Variants in MTUS2 observed in about 807,000 individuals in gnomAD.
MTUS2 encodes the protein microtubule associated scaffold protein 2.
MTUS2 carries 40 observed loss-of-function variants against 114.1 expected under a neutral mutation model. That is an observed-to-expected ratio of 0.35 (90% CI 0.27 to 0.46). MTUS2 has a LOEUF of 0.46. Ranked by LOEUF, MTUS2 falls within the 20% of genes least tolerant of loss-of-function variation. The probability of loss-of-function intolerance (pLI) is 1.00; values close to 1 mark genes in which losing one functional copy is unlikely to be tolerated. For synonymous variants in MTUS2, 688 were observed against 672.0 expected (o/e 1.02, Z -0.37); for missense variants, 1,679 against 1,705.4 (o/e 0.98, Z 0.27).
At chr13:29,101,883 C>T (rs1890433613) in intron 5 of MTUS2, among the ~76,000 whole-genome samples, 1 of 152,130 alleles carries the variant, frequency 6.6e-6, no homozygotes, top group African/African-American at 2.4e-5. Context: ...TCTGTTCTTT[C>T]TTGTGTTTAC....
chr13:29,333,362 TAA>T (rs909115646), intron 7 of MTUS2, among the ~76,000 whole-genome samples: 1 of 152,076 alleles, frequency 6.6e-6, no homozygotes, highest in African/African-American at 2.4e-5. Flanking sequence ...CATGCCCGGT[TAA>T]TTTTGTATTT....
At chr13:29,332,605 G>T (rs935857218) in intron 7 of MTUS2, among the ~76,000 whole-genome samples, 2 of 146,124 alleles carry the variant, frequency 1.4e-5, no homozygotes, top group African/African-American at 5.0e-5. Context: ...GCTAGCTTTT[G>T]AATTTGTTTG....
intron 4 of MTUS2, among the ~76,000 whole-genome samples, chr13:29,079,836 C>T (rs1404911109): frequency 6.6e-6 from 1 of 152,114 alleles, no homozygotes; most frequent in Non-Finnish European, 1.5e-5. Context: ...ATGAGCCCTC[C>T]AACTTTGTTC....
At chr13:29,501,284 G>A (rs1259937314) in intron 15 of MTUS2, 90 bp downstream of exon 15, 1 of 952,922 alleles carries the variant, frequency 1.0e-6, no homozygotes. Context: ...TGGCCTGTGA[G>A]TCTTTCCCCA....
intron 2 of MTUS2, among the ~76,000 whole-genome samples, chr13:28,885,252 T>C (rs1427660718): frequency 6.6e-6 from 1 of 152,194 alleles, no homozygotes; most frequent in African/African-American, 2.4e-5. Flanking sequence ...CAGACATATG[T>C]GTTCAACTAG....
At chr13:29,210,070 G>A (rs1895360716) in intron 5 of MTUS2, among the ~76,000 whole-genome samples, 1 of 152,022 alleles carries the variant, frequency 6.6e-6, no homozygotes, top group Non-Finnish European at 1.5e-5. Context: ...TTATTCTTAG[G>A]TTTGGTCATT....
intron 4 of MTUS2, among the ~76,000 whole-genome samples, chr13:29,056,969 G>A (rs1888163236): frequency 6.6e-6 from 1 of 151,918 alleles, no homozygotes. Context: ...CCCTAACACT[G>A]CTTTAGTTAT....
chr13:28,829,541 A>C (rs1017130052), intron 1 of MTUS2, among the ~76,000 whole-genome samples: 17 of 148,046 alleles, frequency 1.1e-4, no homozygotes, highest in South Asian at 2.1e-4. Context: ...AAAAAAAAAA[A>C]CAAACAATAA....
At chr13:29,122,705 C>T (rs1891361301) in intron 5 of MTUS2, among the ~76,000 whole-genome samples, 2 of 152,148 alleles carry the variant, frequency 1.3e-5, no homozygotes, top group Admixed American at 6.5e-5. Context: ...TCTATCACCA[C>T]CTATGACTGT....
At chr13:28,954,439 A>G (rs1339575937) in intron 2 of MTUS2, among the ~76,000 whole-genome samples, 1 of 152,188 alleles carries the variant, frequency 6.6e-6, no homozygotes, top group Non-Finnish European at 1.5e-5. Context: ...ACCTTCCATT[A>G]GTTTCTTCTC....
intron 2 of MTUS2, among the ~76,000 whole-genome samples, chr13:28,999,768 C>G (rs907529726): frequency 3.9e-5 from 6 of 152,180 alleles, no homozygotes; most frequent in Non-Finnish European, 7.3e-5. Context: ...TCTCCTCATC[C>G]TCTTCTGCCC....
chr13:29,206,632 C>A (rs1895197479), intron 5 of MTUS2, among the ~76,000 whole-genome samples: 1 of 152,070 alleles, frequency 6.6e-6, no homozygotes, highest in African/African-American at 2.4e-5. Flanking sequence ...ATGCGGCTTG[C>A]CAGTTATCTC....
Position 29,431,586 on chromosome 13 carries a change from G to A in MTUS2, c.3118-8397G>A, listed in dbSNP as rs1876991762. 2.0e-5 allele frequency among the ~76,000 whole-genome samples: 3 copies of A among 152,196 alleles called. No homozygotes were observed. In the South Asian group the frequency reaches 6.2e-4, roughly 31 times the overall value. On this transcript the variant is annotated intron_variant, in intron 8 of 15. Transcript: ENST00000612955. The stretch of plus-strand genomic sequence containing the variant: ...TGGAATTTAGTGAAAGGAGAAGTCA[G>A]GCTAGAACCATAGGCAAGGTTTCTT...
At chr13:29,402,643 G>T (rs1267180323) in intron 8 of MTUS2, among the ~76,000 whole-genome samples, 1 of 152,168 alleles carries the variant, frequency 6.6e-6, no homozygotes, top group Non-Finnish European at 1.5e-5. Context: ...TTATTAAGTT[G>T]CCAGAGCTAT....
In MTUS2 at chr13:29,409,484, G is replaced by A. The variant is rs534577745; in HGVS notation, c.3118-30499G>A. ...TAATTCATTTGTTTTAAAAAAACAA[G>A]TTAGATTCATTGTATTCCCTTTTGG... On this transcript the variant is annotated intron_variant, in intron 8 of 15. Transcript: ENST00000612955. 2.0e-5 allele frequency among the ~76,000 whole-genome samples: 3 copies of A among 152,168 alleles called. No homozygotes were observed. The South Asian group carries it at 6.2e-4, about 32-fold the overall frequency.
In MTUS2 at chr13:29,211,991, C is replaced by G. The variant is rs181129785; in HGVS notation, c.2645-69713C>G. 1.1e-3 allele frequency among the ~76,000 whole-genome samples: 164 copies of G among 152,248 alleles called. 1 individual carries two copies. Among genetic ancestry groups the G allele is most frequent in the African/African-American group, 3.6e-3 (150 of 41,526 alleles). On this transcript the variant is annotated intron_variant, in intron 5 of 15. Coordinates refer to ENST00000612955, the MANE Select transcript of MTUS2 (RefSeq NM_001033602.4). ...GCCATTTCCCCTCACTTTCTAATTT[C>G]TATTCTTTTGACTCTTCTTCTGCTT... is the stretch of plus-strand genomic sequence containing the variant.
At chr13:28,868,838 A>G (rs1234099218) in intron 2 of MTUS2, among the ~76,000 whole-genome samples, 1 of 152,202 alleles carries the variant, frequency 6.6e-6, no homozygotes, top group East Asian at 1.9e-4. Context: ...TAAACATTTC[A>G]CCGTAGCCTG....
chr13:29,066,434 G>T (rs1279962061), intron 4 of MTUS2, among the ~76,000 whole-genome samples: 1 of 152,214 alleles, frequency 6.6e-6, no homozygotes, highest in African/African-American at 2.4e-5. Flanking sequence ...ATCAAGAAGT[G>T]ATTAGGTCCT....
In MTUS2 at chr13:29,106,606, C is replaced by T. The variant is rs140572444; in HGVS notation, c.2644+5636C>T. Among the ~76,000 whole-genome samples, 1,436 of 152,196 alleles carry T rather than the reference C, an allele frequency of 9.4e-3. 9 individuals are homozygous for T. Among genetic ancestry groups the T allele is most frequent in the Non-Finnish European group, 0.011 (769 of 67,994 alleles). ...TCCTGACCTTGTGATCCACCTGCCT[C>T]GGCCTCCCAAAGTGCTGGGATTACA... On this transcript the variant is annotated intron_variant, in intron 5 of 15. Transcript: ENST00000612955.
Sources: gnomAD v4.1 joint callset for allele counts (sites outside exome capture counted in the v4.1 genomes callset) on GRCh38, gnomAD v4.1.1 for gene constraint, MANE v1.5 for transcripts, NCBI Gene and HGNC (gene_info 2026-07-23, HGNC 2026-07-21) for gene names.